The following AIG1 variants were observed in gnomAD, a reference collection of about 807,000 sequenced individuals.
AIG1 encodes the protein androgen-induced gene 1 protein.
Under a neutral mutation model 31.4 loss-of-function variants are expected in AIG1, and 23 were observed. The ratio of observed to expected loss-of-function variants is 0.73; its 90% CI spans 0.53 to 1.04. The LOEUF (loss-of-function observed/expected upper bound fraction) is 1.04, where lower values mean the gene tolerates loss of function less well. AIG1 is among the 50% of genes least tolerant of loss of function. AIG1 has a pLI of 0.00. For missense variants in AIG1, 274 were observed against 295.0 expected (o/e 0.93, Z 0.52); for synonymous variants, 100 against 110.5 (o/e 0.90, Z 0.60).
chr6:143,267,740 T>C (rs1796252719), intron 3 of AIG1, among the ~76,000 whole-genome samples: 1 of 152,160 alleles, frequency 6.6e-6, no homozygotes, highest in Non-Finnish European at 1.5e-5. Flanking sequence ...GGGGTGGGCC[T>C]GAAGACAAAA....
At chr6:143,216,270 G>A (rs575566512) in intron 3 of AIG1, among the ~76,000 whole-genome samples, 21 of 152,212 alleles carry the variant, frequency 1.4e-4, no homozygotes, top group African/African-American at 3.9e-4. Context: ...TATTAAGACC[G>A]GATGATCGAG....
intron 3 of AIG1, among the ~76,000 whole-genome samples, chr6:143,272,486 G>A (rs550974465): frequency 3.3e-5 from 5 of 152,290 alleles, no homozygotes; most frequent in Admixed American, 3.3e-4. Context: ...GCTTTTAAAT[G>A]CACTGGCCTA....
chr6:143,335,945 GAA>G lies in AIG1; in HGVS notation c.679+2515_679+2516del, dbSNP rs11298199. The stretch of plus-strand genomic sequence containing the variant: ...CCTGAGCCACAGAGTGAAACTCTCA[GAA>G]AAAAAAAAAAAAAACAGAAAGAAAA... On this transcript the variant is annotated intron_variant, in intron 5 of 5. Coordinates refer to ENST00000357847, the MANE Select transcript of AIG1 (RefSeq NM_016108.4). Among the ~76,000 whole-genome samples the G allele has an allele frequency of 2.8e-3, 351 of 126,844 alleles. 3 individuals are homozygous for G. Among genetic ancestry groups the G allele is most frequent in the African/African-American group, 8.9e-3 (310 of 34,982 alleles). The allele number at this position is 126,844 out of a possible 152,430, so 83.2% of individuals were successfully genotyped here. A position where few individuals can be genotyped will look rare whatever the true frequency, so the allele number is the denominator to read the frequency against.
At chr6:143,157,738 C>G (rs1388133150) in intron 2 of AIG1, among the ~76,000 whole-genome samples, 5 of 152,072 alleles carry the variant, frequency 3.3e-5, no homozygotes, top group African/African-American at 1.2e-4. Flanking sequence ...GCTCTATCTT[C>G]TATCGAATCT....
intron 1 of AIG1, among the ~76,000 whole-genome samples, chr6:143,104,264 G>A (rs185616671): frequency 1.2e-4 from 19 of 152,286 alleles, no homozygotes; most frequent in African/African-American, 4.1e-4. Flanking sequence ...AAAAGTTACC[G>A]TGCTTAGAGC....
Position 143,316,292 on chromosome 6 carries a change from A to G in AIG1, c.516-16990A>G, listed in dbSNP as rs150939594. On this transcript the variant is annotated intron_variant, in intron 4 of 5. Coordinates refer to ENST00000357847, the MANE Select transcript of AIG1 (RefSeq NM_016108.4). The stretch of plus-strand genomic sequence containing the variant: ...TACACTTCCCCTAAGCTACCACAGC[A>G]CAGTACCAAGAAAGATCCCCTTTGC... Among the ~76,000 whole-genome samples, 520 of 152,276 alleles carry G rather than the reference A, an allele frequency of 3.4e-3. 7 individuals carry two copies. The highest frequency in any genetic ancestry group is 3.9e-3 in the Non-Finnish European group (267 of 67,996).
At chr6:143,073,346 C>G (rs191849012) in intron 1 of AIG1, among the ~76,000 whole-genome samples, 158 of 152,266 alleles carry the variant, frequency 1.0e-3, no homozygotes, top group Middle Eastern at 3.4e-3. Context: ...GTGCAGATAT[C>G]TTTGTGAGAT....
chr6:143,250,639 G>A (rs368412590), intron 3 of AIG1, among the ~76,000 whole-genome samples: 137 of 152,146 alleles, frequency 9.0e-4, no homozygotes, highest in African/African-American at 3.1e-3. Flanking sequence ...TTGAGCAGGG[G>A]CAGAGGCAGG....
intron 4 of AIG1, among the ~76,000 whole-genome samples, chr6:143,316,392 GT>G (rs1775740811): frequency 6.6e-6 from 1 of 152,040 alleles, no homozygotes; most frequent in Admixed American, 6.6e-5. Context: ...ACTGATAATT[GT>G]TTTGTTTAAG....
chr6:143,115,283 A>G (rs1781641619), intron 1 of AIG1, among the ~76,000 whole-genome samples: 2 of 152,236 alleles, frequency 1.3e-5, no homozygotes, highest in South Asian at 4.1e-4. Flanking sequence ...TCCAAATTCC[A>G]TCCCTGAAAG....
chr6:143,294,637 C>T (rs945784165), intron 4 of AIG1, among the ~76,000 whole-genome samples: 2 of 152,196 alleles, frequency 1.3e-5, no homozygotes, highest in Admixed American at 1.3e-4. Context: ...GCTGTCATTA[C>T]TTTAGCAAAA....
chr6:143,122,648 A>G (rs1329728430), intron 1 of AIG1, among the ~76,000 whole-genome samples: 2 of 152,196 alleles, frequency 1.3e-5, no homozygotes, highest in Non-Finnish European at 2.9e-5. Flanking sequence ...TACAATTTAC[A>G]GTAACATAAT....
intron 3 of AIG1, among the ~76,000 whole-genome samples, chr6:143,178,597 G>A (rs143389178): frequency 6.6e-6 from 1 of 152,310 alleles, no homozygotes; most frequent in Non-Finnish European, 1.5e-5. Context: ...CTAGCCAGAT[G>A]CTTTGCTTCC....
chr6:143,077,614 T>G (rs999829619), intron 1 of AIG1, among the ~76,000 whole-genome samples: 85 of 152,324 alleles, frequency 5.6e-4, no homozygotes, highest in African/African-American at 2.0e-3. Context: ...TGCCTTTATA[T>G]TTTTTTCCTC....
intron 2 of AIG1, among the ~76,000 whole-genome samples, chr6:143,150,047 C>T (rs1380041582): frequency 6.6e-6 from 1 of 152,198 alleles, no homozygotes; most frequent in Non-Finnish European, 1.5e-5. Flanking sequence ...GACACCTACA[C>T]CGTGAAATAT....
chr6:143,332,545 G>A (rs1777162716), intron 4 of AIG1, among the ~76,000 whole-genome samples: 1 of 152,206 alleles, frequency 6.6e-6, no homozygotes, highest in African/African-American at 2.4e-5. Flanking sequence ...AAGATCAGAG[G>A]AGTGGGAAGC....
rs574030815 is a variant in AIG1, at chr6:143,092,840, A to T, written c.141+31774A>T. Reference sequence around the variant, plus strand: ...TGAGGCGGGAGGATTGCTTGAGGCCAGGAGATTGAGACTAGCCTGGGCAAC... The same window carrying T: ...TGAGGCGGGAGGATTGCTTGAGGCCTGGAGATTGAGACTAGCCTGGGCAAC... On this transcript the variant is annotated intron_variant, in intron 1 of 5. Coordinates refer to ENST00000357847, the MANE Select transcript of AIG1 (RefSeq NM_016108.4). Among the ~76,000 whole-genome samples the T allele has an allele frequency of 2.0e-5, 3 of 152,254 alleles. No individual in the cohort carries two copies. In the South Asian group the frequency reaches 6.2e-4, roughly 32 times the overall value.
chr6:143,318,114 C>T (rs1445576274), intron 4 of AIG1, among the ~76,000 whole-genome samples: 1 of 151,956 alleles, frequency 6.6e-6, no homozygotes, highest in African/African-American at 2.4e-5. Flanking sequence ...ATCAAAATAC[C>T]ACCATCATTA....
chr6:143,133,219 T>C (rs548176721), intron 1 of AIG1, among the ~76,000 whole-genome samples: 7 of 152,274 alleles, frequency 4.6e-5, no homozygotes, highest in Non-Finnish European at 8.8e-5. Context: ...GATCAGCTTT[T>C]TTTTGTTTGT....
Sources: gnomAD v4.1 joint callset for allele counts (sites outside exome capture counted in the v4.1 genomes callset) on GRCh38, gnomAD v4.1.1 for gene constraint, MANE v1.5 for transcripts, NCBI Gene and HGNC (gene_info 2026-07-23, HGNC 2026-07-21) for gene names.